EML6: variants seen among roughly 807,000 people sequenced by gnomAD.
EML6 encodes the protein echinoderm microtubule-associated protein-like 6.
EML6 carries 154 observed loss-of-function variants against 240.1 expected under a neutral mutation model. The ratio of observed to expected loss-of-function variants is 0.64; its 90% confidence interval spans 0.56 to 0.73. The LOEUF is 0.73. Ranked by LOEUF, EML6 falls within the 30% of genes least tolerant of loss-of-function variation. The pLI is 0.00. For synonymous variants in EML6, 1,148 were observed against 899.0 expected (o/e 1.28, Z -4.95); for missense variants, 2,964 against 2,474.6 (o/e 1.20, Z -4.20).
At chr2:54,891,412 TC>T (rs1449849295) in intron 18 of EML6, among the ~76,000 whole-genome samples, 1 of 152,254 alleles carries the variant, frequency 6.6e-6, no homozygotes, top group Admixed American at 6.5e-5. Flanking sequence ...TATTTAGTCA[TC>T]TGTTCTGAAA....
chr2:54,889,755 C>T (rs1198133390), intron 17 of EML6, among the ~76,000 whole-genome samples: 4 of 152,126 alleles, frequency 2.6e-5, no homozygotes, highest in Non-Finnish European at 5.9e-5. Flanking sequence ...AGCTCTTGTG[C>T]CTTTTAAAAT....
intron 2 of EML6, among the ~76,000 whole-genome samples, chr2:54,755,633 T>C (rs1248201721): frequency 6.6e-6 from 1 of 152,192 alleles, no homozygotes; most frequent in Non-Finnish European, 1.5e-5. Context: ...GTTCATTTTC[T>C]AATTATTTTT....
chr2:54,935,660 T>A (rs894366278), intron 28 of EML6, among the ~76,000 whole-genome samples: 1 of 152,220 alleles, frequency 6.6e-6, no homozygotes, highest in Non-Finnish European at 1.5e-5. Flanking sequence ...TTTGTTACTT[T>A]TAAAAATTGT....
intron 7 of EML6, among the ~76,000 whole-genome samples, chr2:54,836,669 T>C (rs1669161643): frequency 6.6e-6 from 1 of 152,142 alleles, no homozygotes; most frequent in Admixed American, 6.5e-5. Flanking sequence ...GCAGGGAGGC[T>C]TCTCAGGCTG....
At chr2:54,817,917 A>G (rs1558575347) in intron 4 of EML6, among the ~76,000 whole-genome samples, 2 of 152,184 alleles carry the variant, frequency 1.3e-5, no homozygotes, top group African/African-American at 4.8e-5. Flanking sequence ...AAAGCTCAGG[A>G]GTGACCAACA....
intron 28 of EML6, among the ~76,000 whole-genome samples, chr2:54,941,158 T>C (rs1434820102): frequency 1.3e-5 from 2 of 152,326 alleles, no homozygotes; most frequent in Non-Finnish European, 2.9e-5. Flanking sequence ...TAATTTTATA[T>C]GTTTATAAGG....
intron 12 of EML6, among the ~76,000 whole-genome samples, chr2:54,861,960 A>G (rs376276149): frequency 2.6e-4 from 39 of 152,132 alleles, no homozygotes; most frequent in African/African-American, 8.0e-4. Flanking sequence ...CAAGAGAGCA[A>G]TATAAGAACA....
intron 28 of EML6, among the ~76,000 whole-genome samples, chr2:54,943,318 C>T (rs541759359): frequency 2.6e-5 from 4 of 152,256 alleles, no homozygotes; most frequent in South Asian, 2.1e-4. Flanking sequence ...TGCTTGGCCC[C>T]GGCCTCCTGT....
chr2:54,772,541 C>T (rs1386340994), intron 2 of EML6, among the ~76,000 whole-genome samples: 5 of 152,214 alleles, frequency 3.3e-5, no homozygotes, highest in Non-Finnish European at 7.3e-5. Context: ...GATACAATTT[C>T]CCCTAAACTG....
chr2:54,814,932 A>C (rs532899697), intron 3 of EML6, among the ~76,000 whole-genome samples: 1 of 152,226 alleles, frequency 6.6e-6, no homozygotes, highest in African/African-American at 2.4e-5. Context: ...GCTGGATGCT[A>C]GTATTTGTTC....
intron 22 of EML6, among the ~76,000 whole-genome samples, chr2:54,901,126 A>G (rs1673034629): frequency 6.6e-6 from 1 of 152,136 alleles, no homozygotes; most frequent in East Asian, 1.9e-4. Context: ...CTTTGTAGGA[A>G]CCCCATGAGT....
intron 16 of EML6, among the ~76,000 whole-genome samples, chr2:54,878,842 C>T (rs1271201545): frequency 1.3e-5 from 2 of 152,036 alleles, no homozygotes; most frequent in African/African-American, 4.8e-5. Context: ...CATTATTATT[C>T]TGGTATTGTT....
At chr2:54,963,053 C>G (rs958624676) in intron 36 of EML6, among the ~76,000 whole-genome samples, 2 of 135,846 alleles carry the variant, frequency 1.5e-5, no homozygotes, top group African/African-American at 5.4e-5. Context: ...CAAGGTTTCT[C>G]TTAGAGCTTG....
chr2:54,806,612 C>CAAAAAAAAAAA lies in EML6; in HGVS notation c.198-6598_198-6588dup, dbSNP rs58185994. On this transcript the variant is annotated intron_variant, in intron 2 of 41. Transcript: ENST00000356458. Reference sequence around the variant, plus strand: ...TGGGCAACAAGAGTGACTCCGTCTCCAAAAAAAAAAAAAAAAAAAAAAAAA... The same window carrying CAAAAAAAAAAA: ...TGGGCAACAAGAGTGACTCCGTCTCCAAAAAAAAAAAAAAAAAAAAAAAAAAAAAAAAAAAA... 7.8e-3 allele frequency among the ~76,000 whole-genome samples: 414 copies of CAAAAAAAAAAA among 52,862 alleles called. 10 individuals carry two copies. The highest frequency in any genetic ancestry group is 0.01 in the Non-Finnish European group (306 of 29,650). The allele number at this position is 52,862 out of a possible 152,430, so 34.7% of individuals were successfully genotyped here.
intron 3 of EML6, among the ~76,000 whole-genome samples, chr2:54,814,511 G>T (rs377315866): frequency 1.3e-5 from 2 of 152,094 alleles, no homozygotes; most frequent in Non-Finnish European, 1.5e-5. Context: ...CTCCCCAACC[G>T]CCTCCGTTTC....
At chr2:54,843,811 C>G (rs116505039) in intron 7 of EML6, among the ~76,000 whole-genome samples, 3,920 of 139,622 alleles carry the variant, frequency 0.028, 72 homozygotes, top group Non-Finnish European at 0.038. Context: ...CCACTGCACT[C>G]TATAGTCTGG....
chr2:54,965,251 C>A (rs992571758), intron 38 of EML6, among the ~76,000 whole-genome samples: 1 of 152,188 alleles, frequency 6.6e-6, no homozygotes, highest in Admixed American at 6.5e-5. Context: ...AGAATGATTT[C>A]TCTAGCACTC....
intron 2 of EML6, among the ~76,000 whole-genome samples, chr2:54,755,077 A>G (rs1378942634): frequency 6.6e-6 from 1 of 152,250 alleles, no homozygotes; most frequent in East Asian, 1.9e-4. Flanking sequence ...TGAGATGGTC[A>G]TGATTAGCAA....
chr2:54,804,557 G>GC (rs1558563735), intron 2 of EML6, among the ~76,000 whole-genome samples: 3 of 152,186 alleles, frequency 2.0e-5, no homozygotes, highest in Non-Finnish European at 4.4e-5. Context: ...AGACAACCCT[G>GC]CCCACTTCCT....
Sources: gnomAD v4.1 joint callset for allele counts (sites outside exome capture counted in the v4.1 genomes callset) on GRCh38, gnomAD v4.1.1 for gene constraint, MANE v1.5 for transcripts, NCBI Gene and HGNC (gene_info 2026-07-23, HGNC 2026-07-21) for gene names.